MANBA: variants seen among roughly 807,000 people sequenced by gnomAD.
MANBA encodes beta-mannosidase.
MANBA carries 83 observed loss-of-function variants against 111.1 expected under a neutral mutation model. The ratio of observed to expected loss-of-function variants is 0.75; its 90% confidence interval spans 0.63 to 0.90. The LOEUF is 0.90. Among genes scored for constraint, MANBA ranks in the 40% least tolerant of loss-of-function variants. The pLI, the probability that MANBA is intolerant of heterozygous loss-of-function variation, is 0.00. For synonymous variants in MANBA, 370 were observed against 378.7 expected (o/e 0.98, Z 0.27); for missense variants, 1,036 against 1,069.0 (o/e 0.97, Z 0.43).
chr4:102,642,398 G>C (rs1729915400), intron 13 of MANBA, among the ~76,000 whole-genome samples: 1 of 152,158 alleles, frequency 6.6e-6, no homozygotes, highest in African/African-American at 2.4e-5. Flanking sequence ...ACGAGGTCAG[G>C]AGATGGAGAT....
At chr4:102,688,973 T>G (rs1732347791) in intron 7 of MANBA, among the ~76,000 whole-genome samples, 1 of 152,234 alleles carries the variant, frequency 6.6e-6, no homozygotes, top group Non-Finnish European at 1.5e-5. Context: ...AAATTACACA[T>G]GTATTATTTT....
chr4:102,744,907 T>G (rs1000475606), intron 1 of MANBA, among the ~76,000 whole-genome samples: 3 of 152,168 alleles, frequency 2.0e-5, no homozygotes, highest in Non-Finnish European at 2.9e-5. Context: ...CCCATCATAA[T>G]AACTCTCACC....
intron 5 of MANBA, among the ~76,000 whole-genome samples, chr4:102,712,524 C>T (rs1722120247): frequency 6.9e-6 from 1 of 144,966 alleles, no homozygotes; most frequent in Non-Finnish European, 1.5e-5. Flanking sequence ...AATCGGACCA[C>T]TTTTTTTTTT....
intron 12 of MANBA, among the ~76,000 whole-genome samples, chr4:102,657,428 G>T (rs1730612953): frequency 6.6e-6 from 1 of 152,192 alleles, no homozygotes; most frequent in African/African-American, 2.4e-5. Context: ...TTATTTCCGT[G>T]TGTGATAATA....
chr4:102,678,478 T>C (rs1731818784), intron 7 of MANBA, among the ~76,000 whole-genome samples: 1 of 149,942 alleles, frequency 6.7e-6, no homozygotes, highest in Non-Finnish European at 1.5e-5. Flanking sequence ...CATATTTGCA[T>C]CCAAAGTAAA....
At chr4:102,655,222 T>C (rs1292977562) in intron 12 of MANBA, among the ~76,000 whole-genome samples, 1 of 152,152 alleles carries the variant, frequency 6.6e-6, no homozygotes, top group Non-Finnish European at 1.5e-5. Context: ...GATTTAATAT[T>C]ACTAGATGGC....
At chr4:102,753,890 T>C (rs1239185489) in intron 1 of MANBA, 2 of 430,236 alleles carry the variant, frequency 4.6e-6, no homozygotes, top group Non-Finnish European at 9.2e-6. Flanking sequence ...CGAGACCAGC[T>C]TGAGCAACAC....
At chr4:102,728,181 T>C in intron 1 of MANBA, 2 of 539,044 alleles carry the variant, frequency 3.7e-6, no homozygotes, top group South Asian at 1.4e-5. Context: ...CCCTGCTCTA[T>C]GTGAGGCTGT....
Position 102,667,766 on chromosome 4 carries a change from T to C in MANBA, c.1317+1197A>G, listed in dbSNP as rs554098964. ...ACATTACAAAAAATCTGGCAGACAG[T>C]TGGACATGAGAAATTGAAATCAGAG... is the stretch of plus-strand genomic sequence containing the variant. On this transcript the variant is annotated intron_variant, in intron 10 of 16. Transcript: ENST00000647097. 15 of 152,310 alleles carry C rather than the reference T, an allele frequency of 9.8e-5. No individual in the cohort carries two copies. In the South Asian group the frequency reaches 3.1e-3, roughly 32 times the overall value. 9.4% of individuals were successfully genotyped at this position (152,310 alleles called of 1,614,324 possible).
intron 5 of MANBA, among the ~76,000 whole-genome samples, chr4:102,712,038 T>C (rs1294661707): frequency 6.6e-6 from 1 of 152,232 alleles, no homozygotes; most frequent in Admixed American, 6.5e-5. Flanking sequence ...ATGTATGGTA[T>C]ATTTCAAAAT....
At chr4:102,701,832 T>C (rs1488097923) in intron 5 of MANBA, among the ~76,000 whole-genome samples, 1 of 150,822 alleles carries the variant, frequency 6.6e-6, no homozygotes, top group Non-Finnish European at 1.5e-5. Context: ...CTGACAATTA[T>C]GTGTCTTGGA....
chr4:102,667,261 C>G (rs1296426142), intron 10 of MANBA: 1 of 151,958 alleles, frequency 6.6e-6, no homozygotes, highest in East Asian at 1.9e-4. Context: ...GAGACCAATG[C>G]TAGGGAGTCC....
intron 1 of MANBA, among the ~76,000 whole-genome samples, chr4:102,741,519 A>C (rs1011563799): frequency 6.6e-6 from 1 of 152,252 alleles, no homozygotes; most frequent in Non-Finnish European, 1.5e-5. Context: ...TCGCAATTGC[A>C]AAAATATGAA....
chr4:102,653,220 GCACACACACACACACACACACA>G (rs71596357), intron 12 of MANBA, among the ~76,000 whole-genome samples: 67,216 of 145,566 alleles, frequency 0.46, 15,625 homozygotes, highest in South Asian at 0.55. Flanking sequence ...AGATCTACAT[GCACACACACACACACACACACA>G]CACACACACA....
chr4:102,723,864 A>G lies in MANBA; in HGVS notation c.376T>C (p.Tyr126His). ...ACCTAATGTCATTATATACTTACATATCTATTGAACATATTGTCTGTTTCC... is the reference window on the plus strand; with the variant it reads ...ACCTAATGTCATTATATACTTACATGTCTATTGAACATATTGTCTGTTTCC... ...IGETDNMFNRYSFDITNVVRD... is the reference protein window; with the variant it reads ...IGETDNMFNRHSFDITNVVRD... Residue 126 changes from tyrosine to histidine, a missense_variant and splice_region_variant, in exon 3 of 17, where the codon TAT (tyrosine) becomes CAT (histidine). Coordinates refer to ENST00000647097, the MANE Select transcript of MANBA (RefSeq NM_005908.4). 2 of 1,553,962 alleles carry G rather than the reference A, an allele frequency of 1.3e-6. No individual in the cohort carries two copies. Among genetic ancestry groups the G allele is most frequent in the Non-Finnish European group, 1.8e-6 (2 of 1,126,658 alleles).
At chr4:102,680,736 C>G (rs1731937308) in intron 7 of MANBA, among the ~76,000 whole-genome samples, 1 of 152,212 alleles carries the variant, frequency 6.6e-6, no homozygotes, top group Non-Finnish European at 1.5e-5. Flanking sequence ...ACATATGCAG[C>G]ATCTTTTATC....
Position 102,632,210 on chromosome 4 carries a change from CCAAA to C in MANBA, c.2483_2486del (p.Val828GlyfsTer4), listed in dbSNP as rs1476274343. On this transcript the variant is annotated frameshift_variant, in exon 17 of 17. Transcript: ENST00000647097. LOFTEE classifies it high-confidence loss of function. ...TCCCTGGGATGCTTCCTACATCCAA[CCAAA>C]CAAAGGGAGCGACAGCTGAGGTCTC... 8 of 1,613,472 alleles carry C rather than the reference CCAAA, an allele frequency of 5.0e-6. No individual in the cohort carries two copies. Among genetic ancestry groups the C allele is most frequent in the East Asian group, 2.2e-5 (1 of 44,888 alleles).
chr4:102,658,971 A>G (rs905391237), intron 11 of MANBA: 1 of 152,226 alleles, frequency 6.6e-6, no homozygotes. Flanking sequence ...TTTCACTGAG[A>G]AGATTCATTC....
chr4:102,690,649 T>G lies in MANBA; in HGVS notation c.796A>C (p.Ile266Leu), dbSNP rs1424334315. ...ATCCTTTTCCCAGGTTGAAGTTCAA[T>G]GCTGTATGTCTGTTGTGTTTGCAAC... is the stretch of plus-strand genomic sequence containing the variant. The part of the protein sequence containing the change: ...PKLQTQQTYS[I>L]ELQPGKRIVE... Residue 266 changes from isoleucine (I) to leucine (L), a missense_variant, in exon 6 of 17, where the codon ATT (isoleucine) becomes CTT (leucine). Coordinates refer to ENST00000647097, the MANE Select transcript of MANBA (RefSeq NM_005908.4). 6.2e-7 allele frequency: 1 copy of G among 1,612,876 alleles called. No individual in the cohort carries two copies. Among genetic ancestry groups the G allele is most frequent in the South Asian group, 1.1e-5 (1 of 91,048 alleles).
Sources: allele counts gnomAD v4.1 joint callset (sites outside exome capture counted in the v4.1 genomes callset), GRCh38; gene constraint gnomAD v4.1.1; transcripts MANE v1.5; gene names NCBI Gene and HGNC (gene_info 2026-07-23, HGNC 2026-07-21).